STK10: variants seen among roughly 807,000 people sequenced by gnomAD.
STK10 encodes the protein serine/threonine-protein kinase 10.
STK10 carries 78 observed loss-of-function variants against 113.8 expected under a neutral mutation model. The observed-to-expected ratio is 0.69, with a 90% CI of 0.57 to 0.83. STK10 has a LOEUF of 0.83. Among genes scored for constraint, STK10 ranks in the 40% least tolerant of loss-of-function variants. The pLI is 0.00. For missense variants in STK10, 1,109 were observed against 1,280.1 expected, an observed-to-expected ratio of 0.87 and a Z score of 2.04; for synonymous variants, 465 against 494.7, an observed-to-expected ratio of 0.94 and a Z score of 0.80.
chr5:172,056,099 T>C (rs1017166846), intron 15 of STK10, among the ~76,000 whole-genome samples: 1 of 152,202 alleles, frequency 6.6e-6, no homozygotes, highest in Non-Finnish European at 1.5e-5. Flanking sequence ...ATGGCAGATA[T>C]GAACTTATAT....
chr5:172,093,271 A>T lies in STK10; in HGVS notation c.1554+141T>A, dbSNP rs572908530. On this transcript the variant is annotated intron_variant, in intron 9 of 18. Transcript: ENST00000176763. This position sits in a 1 kb window ranked among gnomAD's most constrained non-coding sequence, Gnocchi z 4.1. ...TTGAACCCAGATATTTTGGAGATTAAACTATGAGTCAAACCCAAAACCCCC... is the reference window on the plus strand; with the variant it reads ...TTGAACCCAGATATTTTGGAGATTATACTATGAGTCAAACCCAAAACCCCC... 4.3e-4 allele frequency: 364 copies of T among 844,448 alleles called. 2 individuals are homozygous for T. The Middle Eastern group carries it at 4.8e-3, about 11-fold the overall frequency. 52.3% of individuals were successfully genotyped at this position (844,448 alleles called of 1,614,324 possible). A position where few individuals can be genotyped will look rare whatever the true frequency, so the allele number is the denominator to read the frequency against.
At chr5:172,084,231 T>A (rs1022407579) in intron 10 of STK10, among the ~76,000 whole-genome samples, 3 of 151,852 alleles carry the variant, frequency 2.0e-5, no homozygotes, top group African/African-American at 7.3e-5. Flanking sequence ...GAGAACCCCA[T>A]CTCTACTAAA....
At chr5:172,105,527 C>T (rs1424705140) in intron 7 of STK10, 129 bp downstream of exon 7, 3 of 989,248 alleles carry the variant, frequency 3.0e-6, no homozygotes, top group East Asian at 2.5e-5. Context: ...TGGGGAATAC[C>T]CGCTGATGGA....
At position 172,061,163 on chromosome 5, in the gene STK10, T is replaced by C. The variant is rs1185384346; in HGVS notation, c.2188A>G (p.Met730Val). The change falls in exon 14 of 19, where the codon ATG (methionine) becomes GTG (valine). Residue 730 changes from methionine to valine, a missense_variant. Physicochemically the swap from Met to Val is conservative, Grantham distance 21. This residue lies in a region of STK10 where 885 missense variants were observed against 991.1 expected (regional missense o/e 0.89). Transcript: ENST00000176763. Reference protein sequence around the residue: ...EICDKERECLMKKQELLRDRE... With the variant: ...EICDKERECLVKKQELLRDRE... ...CCTCGAAGGAGCTCCTGCTTCTTCATGAGGCACTCGCGCTCCTTGTCACAG... is the reference window on the plus strand; with the variant it reads ...CCTCGAAGGAGCTCCTGCTTCTTCACGAGGCACTCGCGCTCCTTGTCACAG... The C allele has an allele frequency of 5.0e-6, 8 of 1,612,648 alleles. No individual in the cohort carries two copies. Among genetic ancestry groups the C allele is most frequent in the African/African-American group, 1.3e-5 (1 of 74,662 alleles).
Position 172,188,125 on chromosome 5 carries a change from A to G in STK10, c.-83T>C, listed in dbSNP as rs1433245898. On this transcript the variant is annotated 5_prime_UTR_variant, in exon 1 of 19. Transcript: ENST00000176763. The surrounding 1 kb of genome is among the most constrained non-coding windows in gnomAD (Gnocchi z 5.6). ...GGCGGCCGCGAGGAGAAGGAGGAGG[A>G]GTTGGAGGACGCCGCGTCTCTCGGG... 8 of 1,531,500 alleles carry G rather than the reference A, an allele frequency of 5.2e-6. No homozygotes were observed. The highest frequency in any genetic ancestry group is 1.4e-5 in the African/African-American group (1 of 72,326). The allele number at this position is 1,531,500 out of a possible 1,614,324, so 94.9% of individuals were successfully genotyped here.
chr5:172,053,946 C>T (rs1315255587), intron 17 of STK10, among the ~76,000 whole-genome samples: 1 of 152,228 alleles, frequency 6.6e-6, no homozygotes, highest in African/African-American at 2.4e-5. Flanking sequence ...AATGGCTTGG[C>T]CAAAAGTCAC....
At chr5:172,104,135 G>T (rs1471174735) in intron 7 of STK10, among the ~76,000 whole-genome samples, 1 of 152,232 alleles carries the variant, frequency 6.6e-6, no homozygotes, top group African/African-American at 2.4e-5. Flanking sequence ...TGCCTGGTGT[G>T]GCGCCTTCCT....
chr5:172,182,677 C>T (rs1221273115), intron 1 of STK10, among the ~76,000 whole-genome samples: 1 of 151,744 alleles, frequency 6.6e-6, no homozygotes, highest in African/African-American at 2.4e-5. Flanking sequence ...CCTCAGCCTC[C>T]AGAGCAGCTG....
rs903087796 is a variant in STK10, at chr5:172,049,233, T to C, written c.2766+3696A>G. The stretch of plus-strand genomic sequence containing the variant: ...ACTTAGCAGGTGTTCAAGAAATATG[T>C]GTTGCATTAATACACAAACGAATGA... On this transcript the variant is annotated intron_variant, in intron 18 of 18. Coordinates refer to ENST00000176763, the MANE Select transcript of STK10 (RefSeq NM_005990.4). Among the ~76,000 whole-genome samples, 5 of 152,176 alleles carry C rather than the reference T, an allele frequency of 3.3e-5. 1 individual carries two copies. The South Asian group carries it at 1.0e-3, about 32-fold the overall frequency.
At chr5:172,083,165 A>T (rs1768472927) in intron 10 of STK10, 81 bp from the exon 11 acceptor site, 4 of 1,590,100 alleles carry the variant, frequency 2.5e-6, no homozygotes, top group Non-Finnish European at 3.4e-6. Flanking sequence ...GGAACACTGA[A>T]GGTTGGATCA....
chr5:172,173,102 T>C (rs1032966863), intron 1 of STK10, among the ~76,000 whole-genome samples: 1 of 152,080 alleles, frequency 6.6e-6, no homozygotes, highest in Non-Finnish European at 1.5e-5. Flanking sequence ...AGCACCAGTG[T>C]CTGGAGCTCC....
At chr5:172,139,493 GAAAAAAA>G (rs551856973) in intron 2 of STK10, among the ~76,000 whole-genome samples, 12 of 106,586 alleles carry the variant, frequency 1.1e-4, no homozygotes, top group African/African-American at 2.2e-4. Flanking sequence ...CCCATCTCTG[GAAAAAAA>G]AAAAAAAAAG....
At chr5:172,052,729 C>T (rs555135100) in intron 18 of STK10, among the ~76,000 whole-genome samples, 200 bp downstream of exon 18, 1 of 152,294 alleles carries the variant, frequency 6.6e-6, no homozygotes, top group South Asian at 2.1e-4. Flanking sequence ...AAGAGGCTGC[C>T]CTTCCAGAGG....
intron 1 of STK10, among the ~76,000 whole-genome samples, chr5:172,185,803 A>T (rs1770946419): frequency 6.6e-6 from 1 of 152,246 alleles, no homozygotes; most frequent in African/African-American, 2.4e-5. Context: ...TGAGGAGAGT[A>T]AAGAAAAGAC....
At chr5:172,174,885 C>G (rs1770732405) in intron 1 of STK10, among the ~76,000 whole-genome samples, 1 of 152,222 alleles carries the variant, frequency 6.6e-6, no homozygotes, top group African/African-American at 2.4e-5. Flanking sequence ...CCACCTGACC[C>G]AGGCTGGCTG....
At chr5:172,112,828 C>T (rs185614308) in intron 4 of STK10, among the ~76,000 whole-genome samples, 20 of 150,598 alleles carry the variant, frequency 1.3e-4, no homozygotes, top group African/African-American at 4.9e-4. Context: ...CTCACTGCAA[C>T]CTCCACCTTC....
intron 12 of STK10, among the ~76,000 whole-genome samples, chr5:172,071,413 C>G (rs2113715692): frequency 6.7e-6 from 1 of 149,486 alleles, no homozygotes; most frequent in African/African-American, 2.5e-5. Context: ...CAGTCAACAC[C>G]ATAAGCCTCA....
rs116573508 is a variant in STK10 at position 172,070,481 on chromosome 5, G to A, written c.1990-5669C>T. Among the ~76,000 whole-genome samples the A allele has an allele frequency of 7.1e-3, 1,079 of 152,112 alleles. 13 individuals are homozygous for A. Among genetic ancestry groups the A allele is most frequent in the African/African-American group, 0.025 (1,031 of 41,506 alleles). On this transcript the variant is annotated intron_variant, in intron 12 of 18. Transcript: ENST00000176763. ...TACAACATATAAAGATTTGTGGAAT[G>A]AAGCTAAAACAGTGCTCCATTTATA...
Position 172,082,199 on chromosome 5 carries a change from C to T in STK10, c.1989+127G>A. On this transcript the variant is annotated intron_variant, in intron 12 of 18. Coordinates refer to ENST00000176763, the MANE Select transcript of STK10 (RefSeq NM_005990.4). The surrounding 1 kb of genome is among the most constrained non-coding windows in gnomAD (Gnocchi z 4.3). Reference sequence around the variant, plus strand: ...CAGCTTGGGCACACAGATCCAGGCTCACCTGCTCCCGAGCTCTTCAGCCGT... The same window carrying T: ...CAGCTTGGGCACACAGATCCAGGCTTACCTGCTCCCGAGCTCTTCAGCCGT... The T allele has an allele frequency of 9.3e-7, 1 of 1,071,114 alleles. No individual in the cohort carries two copies. Among genetic ancestry groups the T allele is most frequent in the Non-Finnish European group, 1.3e-6 (1 of 787,630 alleles). The allele number at this position is 1,071,114 out of a possible 1,614,324, so 66.4% of individuals were successfully genotyped here.
Sources: allele counts gnomAD v4.1 joint callset (sites outside exome capture counted in the v4.1 genomes callset), GRCh38; gene constraint gnomAD v4.1.1; regional missense constraint gnomAD v4.1.1; non-coding constraint Gnocchi (gnomAD v3.1); transcripts MANE v1.5; gene names NCBI Gene and HGNC (gene_info 2026-07-23, HGNC 2026-07-21).